ATXN7: variants seen among roughly 807,000 people sequenced by gnomAD.
ATXN7 encodes ataxin 7.
A neutral mutation model predicts 70.5 loss-of-function variants in ATXN7; 12 were observed. The observed-to-expected ratio is 0.17, with a 90% confidence interval of 0.11 to 0.28. ATXN7 has a LOEUF of 0.28. Among genes scored for constraint, ATXN7 ranks in the 10% least tolerant of loss-of-function variants. The pLI is 1.00. For synonymous variants in ATXN7, 498 were observed against 448.7 expected (o/e 1.11, Z -1.39); for missense variants, 1,256 against 1,131.7 (o/e 1.11, Z -1.58).
chr3:63,915,828 C>T (rs1254134732), intron 4 of ATXN7, among the ~76,000 whole-genome samples: 3 of 151,736 alleles, frequency 2.0e-5, no homozygotes, highest in African/African-American at 7.3e-5. Context: ...ATTACAGGCA[C>T]GCACCACCAC....
At chr3:63,863,708 G>C, upstream of ATXN7, 1 of 1,245,020 alleles carries the variant, frequency 8.0e-7, no homozygotes, top group Non-Finnish European at 1.0e-6. Flanking sequence ...CGGGAGGCCA[G>C]GGGTCTCAGG....
chr3:63,964,293 G>T (rs757576568), intron 5 of ATXN7, among the ~76,000 whole-genome samples: 4 of 152,154 alleles, frequency 2.6e-5, no homozygotes, highest in Non-Finnish European at 5.9e-5. Context: ...ATTTAAGGAA[G>T]AAATCTCATT....
chr3:63,912,070 G>C (rs1704039656), intron 2 of ATXN7: 1 of 152,228 alleles, frequency 6.6e-6, no homozygotes, highest in African/African-American at 2.4e-5. Flanking sequence ...GAGGCGGCGG[G>C]AGGCGTCTCC....
At chr3:63,967,760 C>T (rs950586147) in intron 5 of ATXN7, 2 of 1,451,524 alleles carry the variant, frequency 1.4e-6, no homozygotes, top group African/African-American at 1.4e-5. Context: ...TGTTGATCTG[C>T]CAGGACCTTT....
chr3:63,893,300 T>C (rs1575856279), intron 1 of ATXN7, among the ~76,000 whole-genome samples: 1 of 152,200 alleles, frequency 6.6e-6, no homozygotes, highest in East Asian at 1.9e-4. Flanking sequence ...TTACTGGGAA[T>C]TTTATATTTT....
At chr3:63,875,773 T>G (rs945779076) in intron 1 of ATXN7, among the ~76,000 whole-genome samples, 3 of 152,222 alleles carry the variant, frequency 2.0e-5, no homozygotes, top group Admixed American at 6.5e-5. Flanking sequence ...CACTTGACAC[T>G]TTTGTTTAAT....
rs1009842976 is a variant in ATXN7 at position 63,974,691 on chromosome 3, G to A, written c.500-5224G>A. Among the ~76,000 whole-genome samples the A allele has an allele frequency of 2.6e-5, 4 of 152,298 alleles. No homozygotes were observed. The East Asian group carries it at 7.7e-4, about 29-fold the overall frequency. ...ATGTAAATCCCGTAGCATGGTGCCT[G>A]GCATGTGGTTTCTACACAGTACACA... is the stretch of plus-strand genomic sequence containing the variant. On this transcript the variant is annotated intron_variant, in intron 5 of 12. Coordinates refer to ENST00000674280, the MANE Select transcript of ATXN7 (RefSeq NM_001377405.1).
chr3:63,990,495 G>C (rs1320297339), intron 10 of ATXN7, 121 bp downstream of exon 10: 2 of 1,342,450 alleles, frequency 1.5e-6, no homozygotes, highest in Non-Finnish European at 2.1e-6. Context: ...AGGTGTGAGA[G>C]AAGTTCAAAA....
At position 63,865,894 on chromosome 3, in the gene ATXN7, C is replaced by CAAAAAAAA. The variant is rs34205947; in HGVS notation, c.-111+1760_-111+1767dup. On this transcript the variant is annotated intron_variant, in intron 1 of 12. Coordinates refer to ENST00000674280, the MANE Select transcript of ATXN7 (RefSeq NM_001377405.1). ...TGGGCGACAGAGCGAGACTCCATCT[C>CAAAAAAAA]AAAAAAAAAAAAAAAAAAAAAAAAA... is the stretch of plus-strand genomic sequence containing the variant. Among the ~76,000 whole-genome samples the CAAAAAAAA allele has an allele frequency of 3.6e-3, 60 of 16,558 alleles. 3 individuals carry two copies. The highest frequency in any genetic ancestry group is 5.5e-3 in the African/African-American group (33 of 5,956). 10.9% of individuals were successfully genotyped at this position (16,558 alleles called of 152,430 possible). A position where few individuals can be genotyped will look rare whatever the true frequency, so the allele number is the denominator to read the frequency against.
chr3:63,982,291 C>T lies in ATXN7; in HGVS notation c.858C>T (p.Val286=), dbSNP rs2075501529. 1 of 1,614,056 alleles carries T rather than the reference C, an allele frequency of 6.2e-7. No individual in the cohort carries two copies. Among genetic ancestry groups the T allele is most frequent in the South Asian group, 1.1e-5 (1 of 91,090 alleles). The part of the protein sequence containing the change: ...PTCPATVSSL[V]KPGLNCPSIP... ...GTCCTGCTACTGTGAGTTCCTTAGT[C>T]AAGCCTGGCCTTAACTGCCCCTCAA... The change falls in exon 7 of 13, where the codon GTC becomes GTT. Residue 286 remains valine, a synonymous_variant. Transcript: ENST00000674280.
intron 4 of ATXN7, among the ~76,000 whole-genome samples, chr3:63,951,341 C>G (rs910930604): frequency 6.6e-6 from 1 of 151,912 alleles, no homozygotes; most frequent in Non-Finnish European, 1.5e-5. Context: ...CCAGGATCTC[C>G]CCGGCTGGAG....
At chr3:63,931,807 A>G (rs1477585971) in intron 4 of ATXN7, among the ~76,000 whole-genome samples, 2 of 152,122 alleles carry the variant, frequency 1.3e-5, no homozygotes, top group Non-Finnish European at 1.5e-5. Flanking sequence ...CATTTAGGTG[A>G]CATGGGTGGC....
intron 4 of ATXN7, among the ~76,000 whole-genome samples, chr3:63,930,769 A>T (rs1704921506): frequency 6.6e-6 from 1 of 152,014 alleles, no homozygotes; most frequent in South Asian, 2.1e-4. Context: ...TGACCTCATG[A>T]TCCGCCCGCC....
rs145404254 is a variant in ATXN7, at chr3:63,921,285, A to G, written c.394+8060A>G. 4.0e-3 allele frequency among the ~76,000 whole-genome samples: 604 copies of G among 152,324 alleles called. 5 individuals carry two copies. The highest frequency in any genetic ancestry group is 0.014 in the Middle Eastern group (4 of 294). On this transcript the variant is annotated intron_variant, in intron 4 of 12. Coordinates refer to ENST00000674280, the MANE Select transcript of ATXN7 (RefSeq NM_001377405.1). ...ACTATTTCCCTCCCAGGTTATACAG[A>G]TGTTTTCCATAATCCTGAACTCCAG...
At chr3:63,981,271 T>A (rs1273866602) in intron 6 of ATXN7, among the ~76,000 whole-genome samples, 1 of 152,202 alleles carries the variant, frequency 6.6e-6, no homozygotes, top group African/African-American at 2.4e-5. Flanking sequence ...CAGCCCCTGT[T>A]CTTCTGTCAG....
upstream of ATXN7, chr3:63,863,799 C>G: frequency 9.9e-7 from 1 of 1,011,432 alleles, no homozygotes; most frequent in South Asian, 4.3e-5. Context: ...ATGGCGTGCG[C>G]GGCGGCGGCG....
intron 11 of ATXN7, among the ~76,000 whole-genome samples, chr3:63,991,750 A>T (rs2075675042): frequency 6.6e-6 from 1 of 152,066 alleles, no homozygotes; most frequent in African/African-American, 2.4e-5. Context: ...TATGTACCTA[A>T]TGCTTCCCAA....
chr3:63,950,968 C>T (rs2074943325), intron 4 of ATXN7, among the ~76,000 whole-genome samples: 1 of 152,058 alleles, frequency 6.6e-6, no homozygotes, highest in Admixed American at 6.5e-5. Context: ...AAATCCAAGC[C>T]ACATTATAAG....
At chr3:63,983,698 G>T (rs2075526542) in intron 8 of ATXN7, among the ~76,000 whole-genome samples, 1 of 151,850 alleles carries the variant, frequency 6.6e-6, no homozygotes, top group South Asian at 2.1e-4. Context: ...TTGCTCTGGG[G>T]TCTTCCTTCT....
Sources: allele counts gnomAD v4.1 joint callset (sites outside exome capture counted in the v4.1 genomes callset), GRCh38; gene constraint gnomAD v4.1.1; transcripts MANE v1.5; gene names NCBI Gene and HGNC (gene_info 2026-07-23, HGNC 2026-07-21).